SPRED2: variants seen among roughly 807,000 people sequenced by gnomAD.
SPRED2 encodes the protein sprouty related EVH1 domain containing 2.
Under a neutral mutation model 43.0 loss-of-function variants are expected in SPRED2, and 47 were observed. The observed-to-expected ratio is 1.09, with a 90% CI of 0.87 to 1.40. The LOEUF is 1.40. SPRED2 is among the 40% of genes most tolerant of loss of function. The pLI, the probability that SPRED2 is intolerant of heterozygous loss-of-function variation, is 0.00. For synonymous variants in SPRED2, 225 were observed against 225.7 expected, an observed-to-expected ratio of 1.00 and a Z score of 0.03; for missense variants, 561 against 586.4, an observed-to-expected ratio of 0.96 and a Z score of 0.45.
At chr2:65,338,869 C>T (rs1340369431) in intron 2 of SPRED2, among the ~76,000 whole-genome samples, 2 of 151,666 alleles carry the variant, frequency 1.3e-5, no homozygotes. Context: ...CTCCTCCCGG[C>T]CGCCATCCCA....
intron 4 of SPRED2, among the ~76,000 whole-genome samples, chr2:65,322,280 A>C (rs1483750197): frequency 8.2e-5 from 8 of 97,320 alleles, no homozygotes; most frequent in East Asian, 3.3e-4. Flanking sequence ...CTATATATAT[A>C]TATATATATA....
chr2:65,312,602 T>C lies in SPRED2; in HGVS notation c.*899A>G, dbSNP rs778276934. ...ATTTCTTACTTCACTAGTATCCTAT[T>C]CTAATATTGCTAAATTTTTAGAAGT... On this transcript the variant is annotated 3_prime_UTR_variant, in exon 6 of 6. Transcript: ENST00000356388. 6 of 985,840 alleles carry C rather than the reference T, an allele frequency of 6.1e-6. No individual in the cohort carries two copies. Among genetic ancestry groups the C allele is most frequent in the Non-Finnish European group, 7.2e-6 (6 of 829,900 alleles). 61.1% of individuals were successfully genotyped at this position (985,840 alleles called of 1,614,324 possible). A position where few individuals can be genotyped will look rare whatever the true frequency, so the allele number is the denominator to read the frequency against.
At chr2:65,342,871 G>A (rs1239293753) in intron 2 of SPRED2, among the ~76,000 whole-genome samples, 2 of 152,208 alleles carry the variant, frequency 1.3e-5, no homozygotes, top group Non-Finnish European at 2.9e-5. Flanking sequence ...CAGCTACTCT[G>A]GAGGATGAGG....
intron 1 of SPRED2, among the ~76,000 whole-genome samples, chr2:65,384,729 G>A (rs887085580): frequency 1.3e-5 from 2 of 152,150 alleles, no homozygotes; most frequent in African/African-American, 4.8e-5. Context: ...TTCAAGACAA[G>A]AAGATCGGTT....
rs1673117218 is a variant in SPRED2, at chr2:65,313,167, G to A, written c.*334C>T. On this transcript the variant is annotated 3_prime_UTR_variant, in exon 6 of 6. Coordinates refer to ENST00000356388, the MANE Select transcript of SPRED2 (RefSeq NM_181784.3). ...ACTCCTTTGAACTGGAAGAGGCGGG[G>A]GAGGAGGAAACAGGAAATCAACACA... 1.9e-6 allele frequency: 2 copies of A among 1,046,286 alleles called. No individual in the cohort carries two copies. The highest frequency in any genetic ancestry group is 2.3e-6 in the Non-Finnish European group (2 of 869,844). The allele number at this position is 1,046,286 out of a possible 1,614,324, so 64.8% of individuals were successfully genotyped here. A position where few individuals can be genotyped will look rare whatever the true frequency, so the allele number is the denominator to read the frequency against.
chr2:65,389,854 T>C (rs1028512922), intron 1 of SPRED2, among the ~76,000 whole-genome samples: 2 of 152,184 alleles, frequency 1.3e-5, no homozygotes, highest in Non-Finnish European at 1.5e-5. Context: ...GCATTATTAA[T>C]AAAAAATTGA....
intron 1 of SPRED2, among the ~76,000 whole-genome samples, chr2:65,365,191 T>C (rs6738087): frequency 0.68 from 103,012 of 152,172 alleles, 35,790 homozygotes; most frequent in African/African-American, 0.84. Context: ...ACTGTTCTTC[T>C]TCATTATTGT....
At chr2:65,369,037 C>T (rs987111703) in intron 1 of SPRED2, among the ~76,000 whole-genome samples, 17 of 152,008 alleles carry the variant, frequency 1.1e-4, no homozygotes, top group African/African-American at 2.9e-4. Context: ...TTTGCACCAC[C>T]GCACTCCAGC....
intron 4 of SPRED2, among the ~76,000 whole-genome samples, chr2:65,323,167 A>G (rs1439137400): frequency 6.6e-6 from 1 of 151,936 alleles, no homozygotes; most frequent in African/African-American, 2.4e-5. Flanking sequence ...CTAATTTTTT[A>G]TATTTTTAGT....
At chr2:65,366,829 C>T in intron 1 of SPRED2, 3 of 1,210,340 alleles carry the variant, frequency 2.5e-6, no homozygotes, top group Non-Finnish European at 3.1e-6. Flanking sequence ...TGTCATTACT[C>T]ACATTCAACA....
At chr2:65,393,662 T>C (rs1278372623) in intron 1 of SPRED2, among the ~76,000 whole-genome samples, 1 of 152,186 alleles carries the variant, frequency 6.6e-6, no homozygotes, top group Admixed American at 6.5e-5. Context: ...TTTTACACTT[T>C]ATAATAACGG....
At chr2:65,389,383 C>A (rs965816692) in intron 1 of SPRED2, among the ~76,000 whole-genome samples, 2 of 152,062 alleles carry the variant, frequency 1.3e-5, no homozygotes, top group Non-Finnish European at 2.9e-5. Flanking sequence ...CCTCTTACCC[C>A]TGAAGGGTGT....
intron 4 of SPRED2, among the ~76,000 whole-genome samples, chr2:65,323,610 C>T (rs1172444099): frequency 6.6e-6 from 1 of 151,286 alleles, no homozygotes; most frequent in Non-Finnish European, 1.5e-5. Flanking sequence ...GGCGCGGTGA[C>T]TCACGCCTGT....
At chr2:65,329,358 A>G (rs1044399752) in intron 4 of SPRED2, among the ~76,000 whole-genome samples, 1 of 152,246 alleles carries the variant, frequency 6.6e-6, no homozygotes, top group African/African-American at 2.4e-5. Context: ...CTAAGAGTCA[A>G]TGGCCTAATT....
intron 1 of SPRED2, among the ~76,000 whole-genome samples, chr2:65,347,826 A>G (rs1408581675): frequency 6.6e-6 from 1 of 152,008 alleles, no homozygotes; most frequent in Non-Finnish European, 1.5e-5. Flanking sequence ...ACACCTCCTC[A>G]TCCTTCTAGT....
intron 1 of SPRED2, among the ~76,000 whole-genome samples, chr2:65,385,417 G>A (rs1211864137): frequency 6.6e-6 from 1 of 152,186 alleles, no homozygotes; most frequent in Non-Finnish European, 1.5e-5. Context: ...GTCTGAACAG[G>A]AACTTCCATT....
downstream of SPRED2, among the ~76,000 whole-genome samples, chr2:65,310,502 CACAT>C (rs1209032884): frequency 4.9e-5 from 7 of 143,652 alleles, no homozygotes; most frequent in East Asian, 2.0e-4. Flanking sequence ...CACACACACA[CACAT>C]ATCCCTGAGG....
At chr2:65,339,098 GGGC>G (rs1244967684) in intron 2 of SPRED2, among the ~76,000 whole-genome samples, 52 of 44,008 alleles carry the variant, frequency 1.2e-3, no homozygotes, top group East Asian at 2.8e-3. Flanking sequence ...GAGGGAGGTT[GGGC>G]GGGGGGTCAG....
chr2:65,428,777 C>T (rs1032831995), intron 1 of SPRED2, among the ~76,000 whole-genome samples: 9 of 152,176 alleles, frequency 5.9e-5, no homozygotes, highest in African/African-American at 1.9e-4. Context: ...AGGGTTAGAG[C>T]TTGGTTCAGT....
Sources: gnomAD v4.1 joint callset for allele counts (sites outside exome capture counted in the v4.1 genomes callset) on GRCh38, gnomAD v4.1.1 for gene constraint, MANE v1.5 for transcripts, NCBI Gene and HGNC (gene_info 2026-07-23, HGNC 2026-07-21) for gene names.